RTL9: variants seen among roughly 807,000 people sequenced by gnomAD.
The protein encoded by RTL9 is retrotransposon Gag like 9, also known as retrotransposon Gag-like protein 9.
RTL9 carries 19 observed loss-of-function variants against 44.7 expected under a neutral mutation model. The ratio of observed to expected loss-of-function variants is 0.42; its 90% CI spans 0.30 to 0.62. The LOEUF (loss-of-function observed/expected upper bound fraction) is 0.62. RTL9 is among the 20% of genes least tolerant of loss of function. The pLI is 0.16. For synonymous variants in RTL9, 407 were observed against 398.9 expected (o/e 1.02, Z -0.24); for missense variants, 1,105 against 1,080.6 (o/e 1.02, Z -0.32).
At chrX:110,393,679 C>T (rs953871589) in intron 1 of RTL9, among the ~76,000 whole-genome samples, 4 of 112,199 alleles carry the variant, frequency 3.6e-5, no homozygotes, top group African/African-American at 1.3e-4. Context: ...CAATCCTATA[C>T]AGCAGGTCCT....
chrX:110,402,224 C>A (rs1040025000), intron 1 of RTL9, among the ~76,000 whole-genome samples: 7 of 113,131 alleles, frequency 6.2e-5, no homozygotes, highest in Non-Finnish European at 1.3e-4. Flanking sequence ...GCTGCCTTGG[C>A]AGCCCTACAT....
intron 1 of RTL9, among the ~76,000 whole-genome samples, chrX:110,374,194 C>G (rs2068359490): frequency 8.9e-6 from 1 of 111,968 alleles, no homozygotes; most frequent in Admixed American, 9.4e-5. Context: ...AATTGATACC[C>G]TGTAGATGCA....
chrX:110,384,014 C>A (rs780416736), intron 1 of RTL9, among the ~76,000 whole-genome samples: 110 of 112,131 alleles, frequency 9.8e-4, no homozygotes, highest in African/African-American at 3.5e-3. Flanking sequence ...CAGAACCTGA[C>A]ACATTGCAAA....
chrX:110,432,285 G>A (rs1011624372), intron 1 of RTL9, among the ~76,000 whole-genome samples: 11 of 112,149 alleles, frequency 9.8e-5, no homozygotes, highest in African/African-American at 1.9e-4. Context: ...CTTGCAAGAC[G>A]GGGAGCCACA....
chrX:110,451,405 C>T lies in RTL9; in HGVS notation c.788C>T (p.Thr263Met), dbSNP rs148567845. 2,747 of 1,210,132 alleles carry T rather than the reference C, an allele frequency of 2.3e-3. 31 individuals carry two copies. The South Asian group carries it at 0.044, about 19-fold the overall frequency. The change falls in exon 1 of 2, where the codon ACG (threonine) becomes ATG (methionine). Residue 263 changes from threonine to methionine, a missense_variant. Transcript: ENST00000540313. ...ATATCTTCGCTGCTAATGTCAGGCA[C>T]GGACTCTGAAGCAATATCCTCACTG...
At position 110,377,940 on chromosome X, in the gene RTL9, C is replaced by T. The variant is rs181710564; in HGVS notation, c.-168+19024C>T. On this transcript the variant is annotated intron_variant, in intron 1 of 2. Transcript: ENST00000520821. ...AGGAGAATGGCGTGAACCCGGGAGG[C>T]GGAGCTTGCAGTGAGCCGAGATCGC... 6.7e-4 allele frequency among the ~76,000 whole-genome samples: 64 copies of T among 95,276 alleles called. 2 individuals are homozygous for T. In the East Asian group the frequency reaches 0.021, roughly 31 times the overall value. 82.7% of individuals were successfully genotyped at this position (95,276 alleles called of 115,157 possible). A position where few individuals can be genotyped will look rare whatever the true frequency, so the allele number is the denominator to read the frequency against.
chrX:110,448,302 C>T (rs1000501363), upstream of RTL9, among the ~76,000 whole-genome samples: 3 of 111,355 alleles, frequency 2.7e-5, no homozygotes, highest in Non-Finnish European at 5.7e-5. Context: ...GCCTCAGTTT[C>T]TTTCCCTCGA....
intron 1 of RTL9, among the ~76,000 whole-genome samples, chrX:110,397,742 C>G (rs1337211981): frequency 8.9e-6 from 1 of 111,803 alleles, no homozygotes; most frequent in Non-Finnish European, 1.9e-5. Flanking sequence ...CCTGCAAAGG[C>G]CAACCTGCCC....
At chrX:110,430,070 C>G (rs745718293) in intron 1 of RTL9, among the ~76,000 whole-genome samples, 1 of 112,252 alleles carries the variant, frequency 8.9e-6, no homozygotes, top group African/African-American at 3.2e-5. Context: ...CCAAGTGCAT[C>G]AGGGCACTAT....
chrX:110,385,166 C>T (rs377699983), intron 1 of RTL9, among the ~76,000 whole-genome samples: 4 of 111,393 alleles, frequency 3.6e-5, no homozygotes, highest in East Asian at 5.6e-4. Context: ...AATCACTTAA[C>T]GTTTGCATCC....
At chrX:110,437,695 A>G (rs2068849200) in intron 1 of RTL9, among the ~76,000 whole-genome samples, 1 of 111,843 alleles carries the variant, frequency 8.9e-6, no homozygotes, top group South Asian at 3.8e-4. Flanking sequence ...CAATGCGGGT[A>G]TCAGAGGAAG....
chrX:110,435,584 G>C (rs1482526719), intron 1 of RTL9, among the ~76,000 whole-genome samples: 2 of 111,749 alleles, frequency 1.8e-5, no homozygotes, highest in Non-Finnish European at 3.8e-5. Flanking sequence ...GGATGTAAGA[G>C]AACCCTAACT....
In RTL9 at chrX:110,425,351, C is replaced by T. The variant is rs140623486; in HGVS notation, c.-168+6216C>T. On this transcript the variant is annotated intron_variant, in intron 1 of 3. Transcript: ENST00000465301. ...ACCTTCTTCCTTCACCTTCCCACTC[C>T]GCAATTTCTCAGGCTTCTCTAGAGA... Among the ~76,000 whole-genome samples the T allele has an allele frequency of 7.5e-3, 840 of 112,315 alleles. 8 individuals carry two copies. The highest frequency in any genetic ancestry group is 0.026 in the African/African-American group (808 of 30,937).
At chrX:110,446,761 G>T (rs983595751), upstream of RTL9, among the ~76,000 whole-genome samples, 1 of 111,430 alleles carries the variant, frequency 9.0e-6, no homozygotes, top group Admixed American at 9.5e-5. Flanking sequence ...TACAATAGTG[G>T]CTGCTACAAT....
intron 1 of RTL9, among the ~76,000 whole-genome samples, chrX:110,431,057 G>T (rs1199166586): frequency 8.9e-6 from 1 of 112,089 alleles, no homozygotes; most frequent in East Asian, 2.8e-4. Flanking sequence ...CACTGTGTTT[G>T]TAATCCATTC....
chrX:110,392,000 C>T (rs1383789600), intron 1 of RTL9, among the ~76,000 whole-genome samples: 1 of 112,118 alleles, frequency 8.9e-6, no homozygotes, highest in African/African-American at 3.2e-5. Context: ...ATTTAAAAGA[C>T]CAATAATATT....
rs148898883 is a variant in RTL9 at position 110,412,264 on chromosome X, C to T, written c.-167-32889C>T. Among the ~76,000 whole-genome samples, 1,078 of 112,434 alleles carry T rather than the reference C, an allele frequency of 9.6e-3. 5 individuals carry two copies. Among genetic ancestry groups the T allele is most frequent in the Non-Finnish European group, 0.014 (769 of 53,259 alleles). On this transcript the variant is annotated intron_variant, in intron 1 of 2. Coordinates refer to the RTL9 transcript ENST00000520821. ...GGAAATGTTATTTGAGTCAGCAATT[C>T]CTGTCTTAGGAGTTTACCTTTGCAA...
intron 1 of RTL9, among the ~76,000 whole-genome samples, chrX:110,390,480 G>T (rs1302299639): frequency 3.6e-5 from 4 of 111,965 alleles, no homozygotes; most frequent in Non-Finnish European, 7.5e-5. Flanking sequence ...GTAGCAGCCA[G>T]AAGTGTTTTT....
intron 1 of RTL9, among the ~76,000 whole-genome samples, chrX:110,387,450 T>C (rs1226530442): frequency 8.9e-6 from 1 of 112,564 alleles, no homozygotes; most frequent in Admixed American, 9.4e-5. Context: ...CATTGGAACA[T>C]GCATTCTCTG....
Sources: allele counts gnomAD v4.1 joint callset (sites outside exome capture counted in the v4.1 genomes callset), GRCh38; gene constraint gnomAD v4.1.1; transcripts MANE v1.5; gene names NCBI Gene and HGNC (gene_info 2026-07-23, HGNC 2026-07-21).